The following ALOX12 variants were observed in gnomAD, a reference collection of about 807,000 sequenced individuals.
ALOX12 encodes the protein polyunsaturated fatty acid lipoxygenase ALOX12.
Under a neutral mutation model 85.5 loss-of-function variants are expected in ALOX12, and 62 were observed. The ratio of observed to expected loss-of-function variants is 0.73; its 90% CI spans 0.59 to 0.90. The LOEUF is 0.90. ALOX12 is among the 40% of genes least tolerant of loss of function. The pLI is 0.00. For synonymous variants in ALOX12, 299 were observed against 332.7 expected (o/e 0.90, Z 1.10); for missense variants, 751 against 856.5 (o/e 0.88, Z 1.54).
intron 2 of ALOX12, 22 bp downstream of exon 2, chr17:6,997,049 A>T: frequency 6.6e-7 from 1 of 1,516,950 alleles, no homozygotes; most frequent in Non-Finnish European, 8.9e-7. Context: ...GCGTCGGGGA[A>T]GGAGGCACAA....
At chr17:6,996,801 T>A (rs56342631) in intron 1 of ALOX12, 25 bp from the exon 2 acceptor site, 3 of 1,593,954 alleles carry the variant, frequency 1.9e-6, no homozygotes, top group Non-Finnish European at 2.6e-6. Flanking sequence ...TCCTACTAAG[T>A]CTGGCCTGGG....
chr17:7,001,336 T>C (rs1481371269), intron 7 of ALOX12: 1 of 508,652 alleles, frequency 2.0e-6, no homozygotes, highest in Non-Finnish European at 3.5e-6. Context: ...CACCACCATC[T>C]GAGCGCCGAC....
intron 5 of ALOX12, 70 bp from the exon 6 acceptor site, chr17:6,999,236 C>T: frequency 6.2e-7 from 1 of 1,600,194 alleles, no homozygotes; most frequent in Non-Finnish European, 8.5e-7. Context: ...ACCTGAACCC[C>T]TGGGGTAGAT....
At chr17:7,004,563 A>C (rs1289208889) in intron 8 of ALOX12, among the ~76,000 whole-genome samples, 1 of 151,202 alleles carries the variant, frequency 6.6e-6, no homozygotes, top group African/African-American at 2.4e-5. Context: ...TATTAAAAAA[A>C]GACCATGGCC....
At position 6,996,972 on chromosome 17, in the gene ALOX12, C is replaced by T. The variant is rs751995761; in HGVS notation, c.282C>T (p.Phe94=). 1.9e-6 allele frequency: 3 copies of T among 1,580,836 alleles called. No homozygotes were observed. Among genetic ancestry groups the T allele is most frequent in the Middle Eastern group, 1.7e-4 (1 of 5,980 alleles). Residue 94 remains phenylalanine (F), a synonymous_variant, in exon 2 of 14, where the codon TTC becomes TTT. Transcript: ENST00000251535. ...CTGGAGCCTGCGCGGAGGTGGCCTT[C>T]CCGTGCTACCGCTGGGTGCAGGGCG... ...QGPGACAEVA[F]PCYRWVQGED... is the part of the protein sequence containing the mutation.
intron 10 of ALOX12, 44 bp downstream of exon 10, chr17:7,006,071 G>GGGGGGGGGGGGGGT: frequency 6.1e-6 from 1 of 164,988 alleles, no homozygotes; most frequent in Non-Finnish European, 1.4e-5. Context: ...GGGGGGGGGG[G>GGGGGGGGGGGGGGT]GGGCTCTGGC....
intron 5 of ALOX12, 119 bp downstream of exon 5, chr17:6,999,175 G>C: frequency 6.8e-7 from 1 of 1,469,356 alleles, no homozygotes; most frequent in Non-Finnish European, 9.4e-7. Context: ...GGTCAACTCA[G>C]AGAGGCCTTG....
chr17:6,998,439 G>A, intron 2 of ALOX12, 70 bp from the exon 3 acceptor site: 1 of 997,628 alleles, frequency 1.0e-6, no homozygotes, highest in South Asian at 1.3e-5. Flanking sequence ...TAACCACAGG[G>A]AGATGAGGAC....
chr17:6,999,206 G>A, intron 5 of ALOX12, 100 bp from the exon 6 acceptor site: 1 of 1,533,380 alleles, frequency 6.5e-7, no homozygotes, highest in Non-Finnish European at 8.9e-7. Context: ...CGCAGAAGCT[G>A]GGTTCAGGGA....
At position 7,010,580 on chromosome 17, in the gene ALOX12, G is replaced by A. The variant is rs184883894; in HGVS notation, c.*157G>A. ...AGTATCCCACTAGCCCAGGGGAGCAGTAAACTTTCTCTGCAAAGACTAGAT... is the reference window on the plus strand; with the variant it reads ...AGTATCCCACTAGCCCAGGGGAGCAATAAACTTTCTCTGCAAAGACTAGAT... On this transcript the variant is annotated 3_prime_UTR_variant, in exon 14 of 14. Transcript: ENST00000251535. The A allele has an allele frequency of 1.3e-4, 114 of 891,270 alleles. No homozygotes were observed. The East Asian group carries it at 2.9e-3, about 23-fold the overall frequency. The allele number at this position is 891,270 out of a possible 1,614,324, so 55.2% of individuals were successfully genotyped here.
intron 8 of ALOX12, among the ~76,000 whole-genome samples, chr17:7,004,803 G>C (rs1051951266): frequency 6.6e-6 from 1 of 152,208 alleles, no homozygotes; most frequent in African/African-American, 2.4e-5. Flanking sequence ...GTGAATGACA[G>C]AGGAGGTAGC....
chr17:7,008,066 T>C (rs1401580514), intron 11 of ALOX12, among the ~76,000 whole-genome samples: 2 of 152,170 alleles, frequency 1.3e-5, no homozygotes. Context: ...AAGCTAGCAC[T>C]CTGTCCTCTG....
chr17:7,008,497 G>A (rs1346530946), intron 11 of ALOX12, among the ~76,000 whole-genome samples: 1 of 152,182 alleles, frequency 6.6e-6, no homozygotes, highest in African/African-American at 2.4e-5. Context: ...GGGTCTCCCA[G>A]CACTTTAGGA....
rs1908679305 is a variant in ALOX12, at chr17:7,000,964, T to TTTA, written c.951+485_951+486insTTA. On this transcript the variant is annotated intron_variant, in intron 7 of 13. Coordinates refer to ENST00000251535, the MANE Select transcript of ALOX12 (RefSeq NM_000697.3). The surrounding 1 kb of genome is among the most constrained non-coding windows in gnomAD (Gnocchi z 4.6). The stretch of plus-strand genomic sequence containing the variant: ...TTTCTCGCAATTTCTTTTTTTTTTT[T>TTTA]GAGACAGAATCTCACTGTGTCACTC... 6.6e-6 allele frequency among the ~76,000 whole-genome samples: 1 copy of TTTA among 151,702 alleles called. No homozygotes were observed. Among genetic ancestry groups the TTTA allele is most frequent in the Non-Finnish European group, 1.5e-5 (1 of 67,946 alleles).
In ALOX12 at chr17:6,997,761, C is replaced by A. The variant is rs1260876033; in HGVS notation, c.337+734C>A. The stretch of plus-strand genomic sequence containing the variant: ...TTTTTTAGTAGAGATGGAGTTTCAC[C>A]GTATTAGCCAGGATGGTCTCGATCT... On this transcript the variant is annotated intron_variant, in intron 2 of 13. Transcript: ENST00000251535. Among the ~76,000 whole-genome samples, 5 of 151,882 alleles carry A rather than the reference C, an allele frequency of 3.3e-5. No homozygotes were observed. In the East Asian group the frequency reaches 9.7e-4, roughly 29 times the overall value.
At chr17:7,005,202 G>A in intron 8 of ALOX12, 55 bp from the exon 9 acceptor site, 2 of 1,512,790 alleles carry the variant, frequency 1.3e-6, no homozygotes, top group Non-Finnish European at 1.8e-6. Flanking sequence ...GCCCTACCAG[G>A]AAGGACCCAA....
intron 9 of ALOX12, 131 bp downstream of exon 9, chr17:7,005,474 C>CTTTTTTTTTT (rs35201122): frequency 4.5e-5 from 10 of 223,324 alleles, no homozygotes; most frequent in African/African-American, 3.5e-4. Flanking sequence ...ATACCCATGT[C>CTTTTTTTTTT]TTTTTTTTTT....
chr17:7,009,413 A>C (rs1909272589), intron 11 of ALOX12: 2 of 237,420 alleles, frequency 8.4e-6, no homozygotes, highest in South Asian at 1.2e-4. Context: ...GTCACTCAGA[A>C]CTTTTCAGCC....
intron 6 of ALOX12, 184 bp downstream of exon 6, chr17:6,999,650 G>A (rs1908615724): frequency 4.8e-6 from 3 of 620,142 alleles, no homozygotes; most frequent in Non-Finnish European, 8.2e-6. Context: ...CTCCCAGCAG[G>A]AAGGGGAAAA....
Sources: allele counts gnomAD v4.1 joint callset (sites outside exome capture counted in the v4.1 genomes callset), GRCh38; gene constraint gnomAD v4.1.1; non-coding constraint Gnocchi (gnomAD v3.1); transcripts MANE v1.5; gene names NCBI Gene and HGNC (gene_info 2026-07-23, HGNC 2026-07-21).